Variants in LHFPL2 observed in about 807,000 individuals in gnomAD.
LHFPL2 encodes LHFPL tetraspan subfamily member 2.
In LHFPL2, 7 loss-of-function variants were observed where a neutral mutation model predicts 17.5. That is an observed-to-expected ratio of 0.40 (90% CI 0.23 to 0.75). LHFPL2 has a LOEUF of 0.75. LHFPL2 is among the 30% of genes least tolerant of loss of function. The pLI is 0.37. For synonymous variants in LHFPL2, 134 were observed against 116.2 expected (o/e 1.15, Z -0.99); for missense variants, 241 against 294.8 (o/e 0.82, Z 1.34).
intron 4 of LHFPL2, among the ~76,000 whole-genome samples, chr5:78,508,140 G>A (rs1487059132): frequency 6.6e-6 from 1 of 152,124 alleles, no homozygotes; most frequent in Non-Finnish European, 1.5e-5. Flanking sequence ...GGGACAAGGA[G>A]CTTCACAGAA....
intron 2 of LHFPL2, among the ~76,000 whole-genome samples, chr5:78,623,898 C>T (rs1337675800): frequency 6.6e-6 from 1 of 152,206 alleles, no homozygotes; most frequent in Non-Finnish European, 1.5e-5. Context: ...ATAACTATAT[C>T]AGTGCCAAAA....
chr5:78,524,343 T>C (rs1755550638), intron 3 of LHFPL2, among the ~76,000 whole-genome samples: 2 of 152,218 alleles, frequency 1.3e-5, no homozygotes, highest in East Asian at 1.9e-4. Flanking sequence ...AGAGAATTTA[T>C]GTGTATACAG....
chr5:78,529,193 G>A (rs1414318729), intron 3 of LHFPL2, among the ~76,000 whole-genome samples: 2 of 152,190 alleles, frequency 1.3e-5, no homozygotes, highest in Non-Finnish European at 2.9e-5. Context: ...GGCTGAGGTG[G>A]GAGGATCACT....
intron 2 of LHFPL2, among the ~76,000 whole-genome samples, chr5:78,569,341 T>G (rs918140601): frequency 6.6e-6 from 1 of 152,224 alleles, no homozygotes; most frequent in Non-Finnish European, 1.5e-5. Context: ...CCTACTTTAC[T>G]GTGCTCTACT....
chr5:78,497,185 C>T (rs572073365), intron 4 of LHFPL2, among the ~76,000 whole-genome samples: 3 of 152,202 alleles, frequency 2.0e-5, no homozygotes, highest in Non-Finnish European at 2.9e-5. Context: ...CCAATTTACT[C>T]TATCGGCAAA....
At chr5:78,491,762 G>C (rs1190728658) in intron 4 of LHFPL2, among the ~76,000 whole-genome samples, 2 of 152,108 alleles carry the variant, frequency 1.3e-5, no homozygotes, top group Non-Finnish European at 1.5e-5. Flanking sequence ...TTCTACCATC[G>C]TAACAAAAAC....
At chr5:78,601,015 C>T (rs750952415) in intron 2 of LHFPL2, among the ~76,000 whole-genome samples, 8 of 152,206 alleles carry the variant, frequency 5.3e-5, no homozygotes, top group Non-Finnish European at 1.0e-4. Context: ...CTGCCCAACA[C>T]TTGACCAGCA....
chr5:78,557,500 G>A (rs1580805447), intron 3 of LHFPL2, among the ~76,000 whole-genome samples: 1 of 152,222 alleles, frequency 6.6e-6, no homozygotes, highest in African/African-American at 2.4e-5. Context: ...GTCTGAGAAT[G>A]AAGCAAGGAG....
Position 78,563,645 on chromosome 5 carries a change from G to A in LHFPL2, c.-186+1168C>T, listed in dbSNP as rs184176086. On this transcript the variant is annotated intron_variant, in intron 3 of 4. Coordinates refer to ENST00000380345, the MANE Select transcript of LHFPL2 (RefSeq NM_005779.3). ...GAACCCAGGAGGTGGAGGTTACAGTGAGCTGAGATCACACCACTGCACTCC... is the reference window on the plus strand; with the variant it reads ...GAACCCAGGAGGTGGAGGTTACAGTAAGCTGAGATCACACCACTGCACTCC... Among the ~76,000 whole-genome samples the A allele has an allele frequency of 6.8e-4, 102 of 150,162 alleles. 3 individuals carry two copies. In the East Asian group the frequency reaches 0.015, roughly 23 times the overall value.
At chr5:78,501,912 A>G (rs1369943866) in intron 4 of LHFPL2, among the ~76,000 whole-genome samples, 1 of 152,172 alleles carries the variant, frequency 6.6e-6, no homozygotes, top group Non-Finnish European at 1.5e-5. Context: ...TTAGTACATG[A>G]TCAATAATTT....
At chr5:78,624,487 C>T (rs1456791232) in intron 2 of LHFPL2, among the ~76,000 whole-genome samples, 2 of 152,208 alleles carry the variant, frequency 1.3e-5, no homozygotes, top group Non-Finnish European at 2.9e-5. Context: ...TTTCAAGAGA[C>T]ACATCCTCAG....
intron 2 of LHFPL2, among the ~76,000 whole-genome samples, chr5:78,598,180 C>T (rs2112469375): frequency 6.6e-6 from 1 of 152,322 alleles, no homozygotes; most frequent in South Asian, 2.1e-4. Context: ...TTAAGGAAAG[C>T]ATGGTGAAGT....
intron 2 of LHFPL2, among the ~76,000 whole-genome samples, chr5:78,590,933 C>T (rs1024496584): frequency 3.3e-5 from 5 of 152,158 alleles, no homozygotes; most frequent in African/African-American, 4.8e-5. Context: ...ACCCTTTATA[C>T]CTGGGGGTTT....
chr5:78,495,804 A>G (rs927115390), intron 4 of LHFPL2, among the ~76,000 whole-genome samples: 1 of 152,246 alleles, frequency 6.6e-6, no homozygotes, highest in Non-Finnish European at 1.5e-5. Context: ...CACGGAGTGC[A>G]TGCCATATGC....
At chr5:78,572,113 C>T (rs548935097) in intron 2 of LHFPL2, among the ~76,000 whole-genome samples, 17 of 152,168 alleles carry the variant, frequency 1.1e-4, no homozygotes, top group African/African-American at 3.9e-4. Context: ...TTTGAAGTAC[C>T]TAGCTGGGCA....
intron 4 of LHFPL2, among the ~76,000 whole-genome samples, chr5:78,498,296 T>C (rs1754670234): frequency 6.6e-6 from 1 of 152,116 alleles, no homozygotes; most frequent in Admixed American, 6.5e-5. Flanking sequence ...TTCCAGTAGA[T>C]GTTTAGAAGT....
chr5:78,576,503 C>G (rs776233526), intron 2 of LHFPL2, among the ~76,000 whole-genome samples: 19 of 152,114 alleles, frequency 1.2e-4, no homozygotes, highest in South Asian at 4.1e-4. Flanking sequence ...TGCTCATGAA[C>G]CATGAGCTGT....
intron 3 of LHFPL2, among the ~76,000 whole-genome samples, chr5:78,563,432 A>C (rs1756781141): frequency 6.6e-6 from 1 of 152,176 alleles, no homozygotes; most frequent in Non-Finnish European, 1.5e-5. Context: ...ATGGTGACTC[A>C]CGCCTGTAAT....
chr5:78,641,868 C>CTTAAATATAATTA (rs1745669959), intron 1 of LHFPL2: 1 of 149,012 alleles, frequency 6.7e-6, no homozygotes, highest in Non-Finnish European at 1.5e-5. Context: ...CTTACATTTT[C>CTTAAATATAATTA]TTAAATATAT....
Sources: gnomAD v4.1 joint callset for allele counts (sites outside exome capture counted in the v4.1 genomes callset) on GRCh38, gnomAD v4.1.1 for gene constraint, MANE v1.5 for transcripts, NCBI Gene and HGNC (gene_info 2026-07-23, HGNC 2026-07-21) for gene names.